ALPI: variants seen among roughly 807,000 people sequenced by gnomAD.
The protein encoded by ALPI is intestinal-type alkaline phosphatase.
Under a neutral mutation model 51.5 loss-of-function variants are expected in ALPI, and 50 were observed. The observed-to-expected ratio is 0.97, with a 90% CI of 0.77 to 1.23. The LOEUF is 1.23. Ranked by LOEUF, ALPI falls within the 50% of genes most tolerant of loss-of-function variation. The pLI is 0.00. For missense variants in ALPI, 692 were observed against 722.4 expected (o/e 0.96, Z 0.48); for synonymous variants, 322 against 308.2 (o/e 1.04, Z -0.47).
At position 232,458,223 on chromosome 2, in the gene ALPI, G is replaced by A. The variant is rs878956728; in HGVS notation, c.998G>A (p.Arg333His). The A allele has an allele frequency of 1.9e-6, 3 of 1,614,034 alleles. No homozygotes were observed. The highest frequency in any genetic ancestry group is 1.7e-6 in the Non-Finnish European group (2 of 1,179,978). Reference sequence around the variant, plus strand: ...CCCTCTGGCCTTCCTGCAGGCGGCCGCATCGACCATGGTCATCATGAGGGT... The same window carrying A: ...CCCTCTGGCCTTCCTGCAGGCGGCCACATCGACCATGGTCATCATGAGGGT... ...RGFYLFVEGG[R>H]IDHGHHEGVA... Residue 333 changes from arginine to histidine, a missense_variant, in exon 9 of 11, where the codon CGC becomes CAC. Coordinates refer to ENST00000295463, the MANE Select transcript of ALPI (RefSeq NM_001631.5).
Position 232,458,234 on chromosome 2 carries a change from G to T in ALPI, c.1009G>T (p.Gly337Cys). ...LFVEGGRIDH[G>C]HHEGVAYQAL... ...TCCTGCAGGCGGCCGCATCGACCAT[G>T]GTCATCATGAGGGTGTGGCTTACCA... is the stretch of plus-strand genomic sequence containing the variant. Residue 337 changes from glycine (G) to cysteine (C), a missense_variant, in exon 9 of 11, where the codon GGT becomes TGT. Transcript: ENST00000295463. 1 of 1,614,150 alleles carries T rather than the reference G, an allele frequency of 6.2e-7. No individual in the cohort carries two copies. Among genetic ancestry groups the T allele is most frequent in the South Asian group, 1.1e-5 (1 of 91,076 alleles).
Position 232,456,583 on chromosome 2 carries a change from T to C in ALPI, c.188T>C (p.Leu63Ser), listed in dbSNP as rs1413717139. The stretch of plus-strand genomic sequence containing the variant: ...TCACACATTTCTGCTCCTTCAGGGT[T>C]GGGGGTGCCCACGGTGACAGCCACC... ...KNLILFLGDG[L>S]GVPTVTATRI... The change falls in exon 3 of 11, where the codon TTG becomes TCG. Residue 63 changes from leucine (L) to serine (S), a missense_variant. Transcript: ENST00000295463. The surrounding 1 kb of genome is among the most constrained non-coding windows in gnomAD (Gnocchi z 4.2). 1.2e-6 allele frequency: 2 copies of C among 1,612,542 alleles called. No homozygotes were observed. The highest frequency in any genetic ancestry group is 2.2e-5 in the East Asian group (1 of 44,838).
Position 232,459,048 on chromosome 2 carries a change from C to A in ALPI, c.1489C>A (p.Pro497Thr), listed in dbSNP as rs1305481025. Residue 497 changes from proline to threonine, a missense_variant, in exon 11 of 11, where the codon CCT becomes ACT. Transcript: ENST00000295463. ...GCCCTACACGGCCTGCGACCTGGCG[C>A]CTCCCGCCTGCACCACCGACGCCGC... The part of the protein sequence containing the change: ...LEPYTACDLA[P>T]PACTTDAAHP... 7.1e-6 allele frequency: 11 copies of A among 1,549,710 alleles called. No individual in the cohort carries two copies. In the African/African-American group the frequency reaches 1.5e-4, roughly 21 times the overall value.
Position 232,457,534 on chromosome 2 carries a change from C to G in ALPI, c.649-31C>G, listed in dbSNP as rs1204143435. On this transcript the variant is annotated intron_variant, in intron 5 of 10. Coordinates refer to ENST00000295463, the MANE Select transcript of ALPI (RefSeq NM_001631.5). The surrounding 1 kb of genome is among the most constrained non-coding windows in gnomAD (Gnocchi z 4.7). ...AGGGGGCACGGGGCCAGCCAGGCCC[C>G]CAAACCACCTGCCCCATCCATTGTC... is the stretch of plus-strand genomic sequence containing the variant. 3.8e-6 allele frequency: 6 copies of G among 1,579,914 alleles called. No homozygotes were observed. Among genetic ancestry groups the G allele is most frequent in the Non-Finnish European group, 5.2e-6 (6 of 1,162,890 alleles).
rs533799230 is a variant in ALPI at position 232,458,321 on chromosome 2, G to A, written c.1096G>A (p.Glu366Lys). 74 of 1,614,164 alleles carry A rather than the reference G, an allele frequency of 4.6e-5. 1 individual carries two copies. In the Middle Eastern group the frequency reaches 5.0e-4, roughly 11 times the overall value. The part of the protein sequence containing the change: ...AIERAGQLTS[E>K]EDTLTLVTAD... ...TGAGAGGGCGGGCCAGCTCACCAGC[G>A]AGGAGGACACGCTGACCCTCGTCAC... The change falls in exon 9 of 11, where the codon GAG (glutamate) becomes AAG (lysine). Residue 366 changes from glutamate to lysine, a missense_variant. By Grantham distance (56) the Glu-to-Lys change is moderately conservative. Coordinates refer to ENST00000295463, the MANE Select transcript of ALPI (RefSeq NM_001631.5).
Position 232,457,114 on chromosome 2 carries a change from A to T in ALPI, c.476-36A>T. 6.2e-7 allele frequency: 1 copy of T among 1,613,346 alleles called. No homozygotes were observed. Among genetic ancestry groups the T allele is most frequent in the Non-Finnish European group, 8.5e-7 (1 of 1,179,960 alleles). On this transcript the variant is annotated intron_variant, in intron 4 of 10. Coordinates refer to ENST00000295463, the MANE Select transcript of ALPI (RefSeq NM_001631.5). The surrounding 1 kb of genome is among the most constrained non-coding windows in gnomAD (Gnocchi z 4.7). The stretch of plus-strand genomic sequence containing the variant: ...CTGTGGGGTCAGGACCAGGCCCAAG[A>T]TCTCGGTCACCGATCCTGACCTCTG...
At position 232,456,556 on chromosome 2, in the gene ALPI, ACT is replaced by A; in HGVS notation, c.185-22_185-21del. ...TTCCAGGACAACCCTGGGGCCCAGG[ACT>A]CACACATTTCTGCTCCTTCAGGGTT... On this transcript the variant is annotated intron_variant, in intron 2 of 10. Coordinates refer to ENST00000295463, the MANE Select transcript of ALPI (RefSeq NM_001631.5). The surrounding 1 kb of genome is among the most constrained non-coding windows in gnomAD (Gnocchi z 4.2). 6.2e-7 allele frequency: 1 copy of A among 1,610,858 alleles called. No individual in the cohort carries two copies. Among genetic ancestry groups the A allele is most frequent in the Non-Finnish European group, 8.5e-7 (1 of 1,178,522 alleles).
chr2:232,459,553 C>T lies in ALPI; in HGVS notation c.*407C>T, dbSNP rs1191797661. On this transcript the variant is annotated 3_prime_UTR_variant, in exon 11 of 11. Coordinates refer to ENST00000295463, the MANE Select transcript of ALPI (RefSeq NM_001631.5). ...CAGAGACGTCCCCCATCGTGGGACA[C>T]GACACACCCAGACCGCGTGCCCCAC... 1.5e-5 allele frequency: 3 copies of T among 198,970 alleles called. No homozygotes were observed. Among genetic ancestry groups the T allele is most frequent in the East Asian group, 1.3e-4 (1 of 7,536 alleles). The allele number at this position is 198,970 out of a possible 1,614,324, so 12.3% of individuals were successfully genotyped here.
chr2:232,458,799 G>C (rs754224263), intron 10 of ALPI, 51 bp downstream of exon 10: 1 of 1,610,732 alleles, frequency 6.2e-7, no homozygotes, highest in Non-Finnish European at 8.5e-7. Context: ...CCAGGGATGG[G>C]GGCATTCGCG....
rs751723259 is a variant in ALPI, at chr2:232,456,934, A to G, written c.336A>G (p.Ala112=). The change falls in exon 4 of 11, where the codon GCA becomes GCG. Residue 112 remains alanine, a synonymous_variant. Coordinates refer to ENST00000295463, the MANE Select transcript of ALPI (RefSeq NM_001631.5). This position sits in a 1 kb window ranked among gnomAD's most constrained non-coding sequence, Gnocchi z 4.2. ...YNVDRQVPDS[A]ATATAYLCGV... ...TGGACAGACAGGTGCCAGACAGCGCAGCCACAGCCACGGCCTACCTGTGCG... is the reference window on the plus strand; with the variant it reads ...TGGACAGACAGGTGCCAGACAGCGCGGCCACAGCCACGGCCTACCTGTGCG... The G allele has an allele frequency of 6.2e-7, 1 of 1,613,612 alleles. No individual in the cohort carries two copies. The highest frequency in any genetic ancestry group is 1.1e-5 in the South Asian group (1 of 91,088).
rs1690217183 is a variant in ALPI, at chr2:232,457,414, A to G, written c.648+92A>G. ...AACCAAAAGCCTGATCTGGGTCAGC[A>G]GGTTCTGGAGGTGGAGTTGGGGATG... On this transcript the variant is annotated intron_variant, in intron 5 of 10. Transcript: ENST00000295463. This position sits in a 1 kb window ranked among gnomAD's most constrained non-coding sequence, Gnocchi z 4.7. 7 of 1,550,268 alleles carry G rather than the reference A, an allele frequency of 4.5e-6. No individual in the cohort carries two copies. The South Asian group carries it at 8.8e-5, about 19-fold the overall frequency.
chr2:232,458,012 G>T lies in ALPI; in HGVS notation c.871G>T (p.Gly291Ter). The T allele has an allele frequency of 6.2e-7, 1 of 1,613,314 alleles. No individual in the cohort carries two copies. Among genetic ancestry groups the T allele is most frequent in the Non-Finnish European group, 8.5e-7 (1 of 1,179,732 alleles). Residue 291 changes from glycine (G) to a stop codon, truncating the protein, a stop_gained, in exon 8 of 11, where the codon GGA becomes TGA. Coordinates refer to ENST00000295463, the MANE Select transcript of ALPI (RefSeq NM_001631.5). LOFTEE classifies it high-confidence loss of function. ...VTHLMGLFEP[G>*]DTKYEIHRDP... Reference sequence around the variant, plus strand: ...TTGTCCCACAGGCCTCTTTGAGCCCGGAGACACGAAATATGAGATCCACCG... The same window carrying T: ...TTGTCCCACAGGCCTCTTTGAGCCCTGAGACACGAAATATGAGATCCACCG...
In ALPI at chr2:232,457,424, G is replaced by A; in HGVS notation, c.648+102G>A. ...CTGATCTGGGTCAGCAGGTTCTGGA[G>A]GTGGAGTTGGGGATGTAGAATGTGC... On this transcript the variant is annotated intron_variant, in intron 5 of 10. Transcript: ENST00000295463. This position sits in a 1 kb window ranked among gnomAD's most constrained non-coding sequence, Gnocchi z 4.7. The A allele has an allele frequency of 6.5e-7, 1 of 1,549,218 alleles. No individual in the cohort carries two copies. Among genetic ancestry groups the A allele is most frequent in the Non-Finnish European group, 8.7e-7 (1 of 1,148,970 alleles).
rs371672801 is a variant in ALPI at position 232,459,249 on chromosome 2, T to C, written c.*103T>C. The C allele has an allele frequency of 9.9e-6, 14 of 1,410,802 alleles. No homozygotes were observed. Among genetic ancestry groups the C allele is most frequent in the Non-Finnish European group, 1.3e-5 (14 of 1,067,654 alleles). The allele number at this position is 1,410,802 out of a possible 1,614,324, so 87.4% of individuals were successfully genotyped here. A position where few individuals can be genotyped will look rare whatever the true frequency, so the allele number is the denominator to read the frequency against. On this transcript the variant is annotated 3_prime_UTR_variant, in exon 11 of 11. Coordinates refer to ENST00000295463, the MANE Select transcript of ALPI (RefSeq NM_001631.5). ...GCGAACACACACAGGTGTCCTGCCG[T>C]TGGACCTTCACCTCCTAGAGATAAA... is the stretch of plus-strand genomic sequence containing the variant.
rs1281803501 is a variant in ALPI at position 232,456,593 on chromosome 2, C to T, written c.198C>T (p.Pro66=). ...ILFLGDGLGV[P]TVTATRILKG... is the part of the protein sequence containing the mutation. ...CTGCTCCTTCAGGGTTGGGGGTGCC[C>T]ACGGTGACAGCCACCAGGATCCTAA... The change falls in exon 3 of 11, where the codon CCC becomes CCT. Residue 66 remains proline (P), a synonymous_variant. Transcript: ENST00000295463. This position sits in a 1 kb window ranked among gnomAD's most constrained non-coding sequence, Gnocchi z 4.2. 1.2e-6 allele frequency: 2 copies of T among 1,612,710 alleles called. No individual in the cohort carries two copies. Among genetic ancestry groups the T allele is most frequent in the East Asian group, 2.2e-5 (1 of 44,818 alleles).
Position 232,459,460 on chromosome 2 carries a change from T to G in ALPI, c.*314T>G. 2.7e-6 allele frequency: 1 copy of G among 365,824 alleles called. No homozygotes were observed. The highest frequency in any genetic ancestry group is 5.4e-5 in the East Asian group (1 of 18,444). 22.7% of individuals were successfully genotyped at this position (365,824 alleles called of 1,614,324 possible). A position where few individuals can be genotyped will look rare whatever the true frequency, so the allele number is the denominator to read the frequency against. On this transcript the variant is annotated 3_prime_UTR_variant, in exon 11 of 11. Transcript: ENST00000295463. ...ATGCGGCTGCCTGCACCCCAGACAA[T>G]AAAGGGACCAAAACCACCCAACCCC...
chr2:232,458,863 G>T lies in ALPI; in HGVS notation c.1304G>T (p.Ser435Ile). 2 of 1,610,164 alleles carry T rather than the reference G, an allele frequency of 1.2e-6. No homozygotes were observed. The highest frequency in any genetic ancestry group is 1.7e-6 in the Non-Finnish European group (2 of 1,178,722). ...RPDVNESESG[S>I]PDYQQQAAVP... ...AGTGCACTCACCCTCCTACCAGGGAGCCCCGATTACCAGCAGCAGGCGGCG... is the reference window on the plus strand; with the variant it reads ...AGTGCACTCACCCTCCTACCAGGGATCCCCGATTACCAGCAGCAGGCGGCG... Residue 435 changes from serine (S) to isoleucine (I), a missense_variant, in exon 11 of 11, where the codon AGC (serine) becomes ATC (isoleucine). Coordinates refer to ENST00000295463, the MANE Select transcript of ALPI (RefSeq NM_001631.5).
Position 232,456,863 on chromosome 2 carries a change from G to A in ALPI, c.301-36G>A, listed in dbSNP as rs200694055. 385 of 1,609,984 alleles carry A rather than the reference G, an allele frequency of 2.4e-4. No homozygotes were observed. In the African/African-American group the frequency reaches 3.7e-3, roughly 16 times the overall value. On this transcript the variant is annotated intron_variant, in intron 3 of 10. Coordinates refer to ENST00000295463, the MANE Select transcript of ALPI (RefSeq NM_001631.5). This position sits in a 1 kb window ranked among gnomAD's most constrained non-coding sequence, Gnocchi z 4.2. Reference sequence around the variant, plus strand: ...GTCCTTGGTTGGGGTCTGGGTGTCCGCCCCGAAGTAGAGCTCAGGGTGTCT... The same window carrying A: ...GTCCTTGGTTGGGGTCTGGGTGTCCACCCCGAAGTAGAGCTCAGGGTGTCT...
At position 232,457,028 on chromosome 2, in the gene ALPI, C is replaced by T. The variant is rs760292347; in HGVS notation, c.430C>T (p.Arg144Cys). 10 of 1,613,478 alleles carry T rather than the reference C, an allele frequency of 6.2e-6. No homozygotes were observed. Among genetic ancestry groups the T allele is most frequent in the East Asian group, 4.5e-5 (2 of 44,886 alleles). The change falls in exon 4 of 11, where the codon CGC becomes TGC. Residue 144 changes from arginine (R) to cysteine (C), a missense_variant. Physicochemically the swap from Arg to Cys is radical, Grantham distance 180. Transcript: ENST00000295463. The surrounding 1 kb of genome is among the most constrained non-coding windows in gnomAD (Gnocchi z 4.7). Reference sequence around the variant, plus strand: ...CCGCTTTAACCAGTGCAACACGACACGCGGCAATGAGGTCATCTCCGTGAT... The same window carrying T: ...CCGCTTTAACCAGTGCAACACGACATGCGGCAATGAGGTCATCTCCGTGAT... ...AARFNQCNTT[R>C]GNEVISVMNR...
Sources: gnomAD v4.1 joint callset for allele counts on GRCh38, gnomAD v4.1.1 for gene constraint, Gnocchi (gnomAD v3.1) non-coding constraint, MANE v1.5 for transcripts, NCBI Gene and HGNC (gene_info 2026-07-23, HGNC 2026-07-21) for gene names.